The following MTMR8 variants were observed in gnomAD, a reference collection of about 807,000 sequenced individuals.
The protein encoded by MTMR8 is myotubularin related protein 8, also known as phosphatidylinositol-3,5-bisphosphate 3-phosphatase MTMR8.
In MTMR8, 65 loss-of-function variants were observed where a neutral mutation model predicts 39.3. That is an observed-to-expected ratio of 1.65 (90% CI 1.35 to 2.03). The LOEUF is 2.03. Among genes scored for constraint, MTMR8 ranks in the 30% most tolerant of loss-of-function variants. The pLI is 0.00. For missense variants in MTMR8, 777 were observed against 538.9 expected (o/e 1.44, Z -4.37); for synonymous variants, 245 against 185.2 (o/e 1.32, Z -2.62).
At chrX:64,336,657 C>T (rs892737132) in intron 9 of MTMR8, among the ~76,000 whole-genome samples, 1 of 110,655 alleles carries the variant, frequency 9.0e-6, no homozygotes, top group African/African-American at 3.3e-5. Flanking sequence ...ATTAGCCAAG[C>T]ATGGTGGTGC....
intron 12 of MTMR8, among the ~76,000 whole-genome samples, chrX:64,291,491 C>T (rs755571069): frequency 1.8e-5 from 2 of 110,913 alleles, no homozygotes; most frequent in Non-Finnish European, 3.8e-5. Context: ...TACACTCATG[C>T]TAACCTGTCA....
chrX:64,276,549 T>C (rs1401643391), intron 12 of MTMR8, among the ~76,000 whole-genome samples: 3 of 112,021 alleles, frequency 2.7e-5, no homozygotes, highest in Admixed American at 9.5e-5. Context: ...CCAGTAGTCA[T>C]TCAGGAGCAG....
intron 6 of MTMR8, among the ~76,000 whole-genome samples, chrX:64,347,684 T>C (rs1159179563): frequency 1.8e-5 from 2 of 112,576 alleles, no homozygotes; most frequent in African/African-American, 6.5e-5. Context: ...TCTTAGTCAG[T>C]CACACTTTAC....
intron 1 of MTMR8, among the ~76,000 whole-genome samples, chrX:64,387,638 G>A (rs754653165): frequency 4.9e-4 from 53 of 107,759 alleles, no homozygotes; most frequent in Non-Finnish European, 7.7e-4. Flanking sequence ...CTTTTACCTG[G>A]CAGAAACTGA....
rs1339956426 is a variant in MTMR8, at chrX:64,306,359, A to T, written c.1481+22413T>A. 1.7e-5 allele frequency: 4 copies of T among 239,112 alleles called. No homozygotes were observed. The Admixed American group carries it at 1.7e-4, about 10-fold the overall frequency. The allele number at this position is 239,112 out of a possible 1,213,427, so 19.7% of individuals were successfully genotyped here. Reference sequence around the variant, plus strand: ...AAGCCCATGCAGCTTCTAACTGTAAAGCATTGTCATCTCTTTCAAGACAAT... The same window carrying T: ...AAGCCCATGCAGCTTCTAACTGTAATGCATTGTCATCTCTTTCAAGACAAT... On this transcript the variant is annotated intron_variant, in intron 12 of 13. Transcript: ENST00000374852.
intron 12 of MTMR8, among the ~76,000 whole-genome samples, chrX:64,313,067 G>A (rs1922362205): frequency 8.9e-6 from 1 of 112,242 alleles, no homozygotes; most frequent in African/African-American, 3.2e-5. Context: ...TCATCTGAAT[G>A]TCACCAGCTG....
At chrX:64,377,233 G>A (rs1214831560) in intron 1 of MTMR8, among the ~76,000 whole-genome samples, 1 of 112,056 alleles carries the variant, frequency 8.9e-6, no homozygotes, top group African/African-American at 3.2e-5. Context: ...AGTTTCCACT[G>A]GGGCACTGCC....
chrX:64,319,624 C>A (rs1180973541), intron 12 of MTMR8, among the ~76,000 whole-genome samples: 1 of 111,908 alleles, frequency 8.9e-6, no homozygotes, highest in Non-Finnish European at 1.9e-5. Flanking sequence ...CTACATATGG[C>A]TAGCCAGTTT....
intron 1 of MTMR8, among the ~76,000 whole-genome samples, chrX:64,370,800 C>A (rs191442029): frequency 9.0e-5 from 10 of 111,460 alleles, no homozygotes; most frequent in Non-Finnish European, 1.7e-4. Context: ...CAGAACATAT[C>A]CCCATGGTAA....
At chrX:64,356,078 A>G (rs1437083473) in intron 3 of MTMR8, 98 bp downstream of exon 3, 2 of 892,235 alleles carry the variant, frequency 2.2e-6, no homozygotes, top group African/African-American at 2.0e-5. Flanking sequence ...TACAGCCCAG[A>G]TCCAAACCCT....
chrX:64,269,204 T>C (rs16990307), intron 13 of MTMR8, among the ~76,000 whole-genome samples, 161 bp from the exon 14 acceptor site: 26,408 of 110,801 alleles, frequency 0.24, 7,553 homozygotes, highest in African/African-American at 0.82. Context: ...TCATCACATG[T>C]CATAGTACTT....
chrX:64,348,513 G>T (rs1216632130), intron 6 of MTMR8, 147 bp downstream of exon 6: 36 of 738,324 alleles, frequency 4.9e-5, no homozygotes, highest in Non-Finnish European at 6.1e-5. Flanking sequence ...GCCCCAAATG[G>T]CTTCCTGAAA....
chrX:64,301,747 G>C, intron 12 of MTMR8, among the ~76,000 whole-genome samples: 1 of 111,541 alleles, frequency 9.0e-6, no homozygotes, highest in African/African-American at 3.3e-5. Context: ...ATGTACAGAT[G>C]GGTTTTCGGT....
intron 12 of MTMR8, among the ~76,000 whole-genome samples, chrX:64,326,339 C>T (rs1922793272): frequency 9.0e-6 from 1 of 111,417 alleles, no homozygotes; most frequent in African/African-American, 3.3e-5. Flanking sequence ...ACTGCTAGAG[C>T]TAATAAACAA....
At chrX:64,373,876 A>T (rs763387845) in intron 1 of MTMR8, among the ~76,000 whole-genome samples, 1 of 111,564 alleles carries the variant, frequency 9.0e-6, no homozygotes, top group Non-Finnish European at 1.9e-5. Flanking sequence ...AAGAATACTG[A>T]TCTTGTAGTA....
At chrX:64,305,521 G>C (rs1334645055) in intron 12 of MTMR8, 1 of 369,356 alleles carries the variant, frequency 2.7e-6, no homozygotes, top group Non-Finnish European at 5.0e-6. Context: ...AAGTATGAAA[G>C]AGCATCATAA....
chrX:64,367,810 A>G (rs1422224637), intron 1 of MTMR8, among the ~76,000 whole-genome samples: 1 of 111,698 alleles, frequency 9.0e-6, no homozygotes, highest in Non-Finnish European at 1.9e-5. Context: ...GGAAAAGAGG[A>G]AGTCAAATTG....
chrX:64,301,137 G>T (rs1308376141), intron 12 of MTMR8, among the ~76,000 whole-genome samples: 1 of 108,793 alleles, frequency 9.2e-6, no homozygotes, highest in African/African-American at 3.3e-5. Context: ...TTGCTAGATT[G>T]GGGAAGTTCT....
chrX:64,301,574 G>T (rs1458404441), intron 12 of MTMR8, among the ~76,000 whole-genome samples: 2 of 111,850 alleles, frequency 1.8e-5, no homozygotes, highest in South Asian at 3.7e-4. Flanking sequence ...TCTTCTCTCA[G>T]CTCGTCAAAG....
Sources: gnomAD v4.1 joint callset for allele counts (sites outside exome capture counted in the v4.1 genomes callset) on GRCh38, gnomAD v4.1.1 for gene constraint, MANE v1.5 for transcripts, NCBI Gene and HGNC (gene_info 2026-07-23, HGNC 2026-07-21) for gene names.